UBA2: variants seen among roughly 807,000 people sequenced by gnomAD.
UBA2 encodes ubiquitin like modifier activating enzyme 2.
Under a neutral mutation model 77.2 loss-of-function variants are expected in UBA2, and 11 were observed. The observed-to-expected ratio is 0.14, with a 90% CI of 0.09 to 0.24. The LOEUF (loss-of-function observed/expected upper bound fraction) is 0.24. Ranked by LOEUF, UBA2 falls within the 10% of genes least tolerant of loss-of-function variation. The pLI, the probability that UBA2 is intolerant of heterozygous loss-of-function variation, is 1.00. For synonymous variants in UBA2, 278 were observed against 276.7 expected (o/e 1.00, Z -0.05); for missense variants, 487 against 781.7 (o/e 0.62, Z 4.50).
At chr19:34,451,549 T>TG (rs1233604538) in intron 9 of UBA2, among the ~76,000 whole-genome samples, 3 of 128,154 alleles carry the variant, frequency 2.3e-5, no homozygotes, top group Non-Finnish European at 3.3e-5. Context: ...TTTTTTTTTT[T>TG]TTTTTTTTTT....
chr19:34,443,698 C>T (rs969086819), intron 6 of UBA2, 146 bp from the exon 7 acceptor site: 1 of 556,284 alleles, frequency 1.8e-6, no homozygotes. Context: ...CCTCAGCCTC[C>T]CAAAATGTTG....
chr19:34,445,964 GT>G (rs946126344), intron 8 of UBA2, among the ~76,000 whole-genome samples: 1 of 152,080 alleles, frequency 6.6e-6, no homozygotes, highest in Admixed American at 6.6e-5. Context: ...TGTTTTAAAA[GT>G]TTTTTTGTTC....
At chr19:34,449,227 G>A (rs959801411) in intron 8 of UBA2, among the ~76,000 whole-genome samples, 19 of 151,808 alleles carry the variant, frequency 1.3e-4, no homozygotes, top group African/African-American at 7.3e-5. Context: ...GCGCCACGAC[G>A]CCCAGCTGAT....
intron 5 of UBA2, 41 bp from the exon 6 acceptor site, chr19:34,438,604 G>T (rs1452363069): frequency 6.2e-7 from 1 of 1,609,182 alleles, no homozygotes; most frequent in African/African-American, 1.3e-5. Flanking sequence ...TTGAGAAACT[G>T]CCATCATGGA....
At chr19:34,455,030 G>A (rs943083408) in intron 12 of UBA2, among the ~76,000 whole-genome samples, 18 of 152,126 alleles carry the variant, frequency 1.2e-4, no homozygotes, top group African/African-American at 4.3e-4. Flanking sequence ...TTGCTTGTAT[G>A]GTTTATGATT....
chr19:34,438,589 T>C, intron 5 of UBA2, 56 bp from the exon 6 acceptor site: 3 of 1,603,066 alleles, frequency 1.9e-6, no homozygotes, highest in Admixed American at 1.7e-5. Context: ...TATTACCTTA[T>C]AATGTTGAGA....
chr19:34,446,899 C>G (rs2145525680), intron 8 of UBA2, among the ~76,000 whole-genome samples: 1 of 152,322 alleles, frequency 6.6e-6, no homozygotes, highest in South Asian at 2.1e-4. Flanking sequence ...AGCCGTCGTG[C>G]CCAGCCCACA....
At chr19:34,428,827 C>T (rs1023910683) in intron 1 of UBA2, 34 of 1,152,942 alleles carry the variant, frequency 2.9e-5, no homozygotes, top group Middle Eastern at 3.5e-4. Context: ...CCCGGCAGCG[C>T]CAATGTGTGG....
intron 4 of UBA2, among the ~76,000 whole-genome samples, chr19:34,434,440 C>T (rs983354558): frequency 7.9e-5 from 12 of 152,176 alleles, no homozygotes; most frequent in Non-Finnish European, 1.8e-4. Flanking sequence ...TAACCTGACT[C>T]ATCTTTTTTC....
rs1278432327 is a variant in UBA2, at chr19:34,428,467, C to T, written c.35C>T (p.Ala12Val). 1.2e-5 allele frequency: 16 copies of T among 1,289,066 alleles called. No homozygotes were observed. The highest frequency in any genetic ancestry group is 9.9e-7 in the Non-Finnish European group (1 of 1,013,248). The allele number at this position is 1,289,066 out of a possible 1,614,324, so 79.9% of individuals were successfully genotyped here. A position where few individuals can be genotyped will look rare whatever the true frequency, so the allele number is the denominator to read the frequency against. ...TCGCGGGGGCTGCCCCGGGAGCTGG[C>T]TGAGGCGGTGGCCGGGGGCCGGGTG... ...ALSRGLPREL[A>V]EAVAGGRVLV... is the part of the protein sequence containing the mutation. The change falls in exon 1 of 17, where the codon GCT becomes GTT. Residue 12 changes from alanine to valine, a missense_variant. Ala to Val is a moderately conservative substitution (Grantham distance 64). This residue lies in a region of UBA2 where 30 missense variants were observed against 27.4 expected (regional missense o/e 1.09). Coordinates refer to ENST00000246548, the MANE Select transcript of UBA2 (RefSeq NM_005499.3).
At position 34,454,575 on chromosome 19, in the gene UBA2, A is replaced by G; in HGVS notation, c.1245+19A>G. 8.0e-7 allele frequency: 1 copy of G among 1,254,674 alleles called. No homozygotes were observed. The allele number at this position is 1,254,674 out of a possible 1,614,324, so 77.7% of individuals were successfully genotyped here. A position where few individuals can be genotyped will look rare whatever the true frequency, so the allele number is the denominator to read the frequency against. ...CAGAACAGTGAGTATTTCTGTTTGC[A>G]TTTTTATGCAACCCCCCTTAAAAAA... On this transcript the variant is annotated intron_variant, in intron 12 of 16. Coordinates refer to ENST00000246548, the MANE Select transcript of UBA2 (RefSeq NM_005499.3).
chr19:34,447,008 A>G (rs988618010), intron 8 of UBA2, among the ~76,000 whole-genome samples: 1 of 152,260 alleles, frequency 6.6e-6, no homozygotes, highest in South Asian at 2.1e-4. Context: ...AGCTAATAGG[A>G]TAGATATATA....
intron 6 of UBA2, among the ~76,000 whole-genome samples, chr19:34,442,076 A>C (rs1334510624): frequency 1.3e-5 from 2 of 152,058 alleles, no homozygotes; most frequent in Admixed American, 1.3e-4. Context: ...CACTACAAAA[A>C]ATTTAAAAAT....
intron 15 of UBA2, 52 bp from the exon 16 acceptor site, chr19:34,466,826 C>T: frequency 4.5e-6 from 7 of 1,546,868 alleles, no homozygotes; most frequent in Non-Finnish European, 5.3e-6. Context: ...TTCTCTGGTG[C>T]TCCTTTGCTT....
In UBA2 at chr19:34,438,772, AGT is replaced by A; in HGVS notation, c.581+9_581+10del. On this transcript the variant is annotated splice_region_variant and intron_variant, in intron 6 of 16. Coordinates refer to ENST00000246548, the MANE Select transcript of UBA2 (RefSeq NM_005499.3). ...TGGGCAAAGTACTTGTTCAAGTAAG[AGT>A]GTATATTTCTTGGCATGCTTTTCGG... 6.2e-7 allele frequency: 1 copy of A among 1,612,942 alleles called. No individual in the cohort carries two copies. The highest frequency in any genetic ancestry group is 2.2e-5 in the East Asian group (1 of 44,858).
chr19:34,438,046 G>C (rs542249283), intron 5 of UBA2, among the ~76,000 whole-genome samples: 1 of 152,176 alleles, frequency 6.6e-6, no homozygotes, highest in East Asian at 1.9e-4. Context: ...GCAAGACTCC[G>C]TCTCCCCACC....
At chr19:34,438,874 T>G in intron 6 of UBA2, 108 bp downstream of exon 6, 1 of 1,406,702 alleles carries the variant, frequency 7.1e-7, no homozygotes, top group South Asian at 1.3e-5. Context: ...TTAAATATGG[T>G]GAAGGGATGC....
chr19:34,464,661 G>A (rs1462781354), intron 15 of UBA2, among the ~76,000 whole-genome samples: 1 of 152,110 alleles, frequency 6.6e-6, no homozygotes, highest in African/African-American at 2.4e-5. Flanking sequence ...GAGTCCAGGT[G>A]TTTGAACAGT....
chr19:34,434,371 C>T (rs1234698931), intron 4 of UBA2, among the ~76,000 whole-genome samples: 1 of 152,234 alleles, frequency 6.6e-6, no homozygotes, highest in Non-Finnish European at 1.5e-5. Flanking sequence ...CCACCTCAGC[C>T]TCCCAGAATG....
Sources: allele counts gnomAD v4.1 joint callset (sites outside exome capture counted in the v4.1 genomes callset), GRCh38; gene constraint gnomAD v4.1.1; regional missense constraint gnomAD v4.1.1; transcripts MANE v1.5; gene names NCBI Gene and HGNC (gene_info 2026-07-23, HGNC 2026-07-21).